Variants in CSMD1 observed in about 807,000 individuals in gnomAD.
CSMD1 encodes CUB and Sushi multiple domains 1.
In CSMD1, 213 loss-of-function variants were observed where a neutral mutation model predicts 417.5. The observed-to-expected ratio is 0.51, with a 90% confidence interval of 0.46 to 0.57. CSMD1 has a LOEUF of 0.57. CSMD1 is among the 20% of genes least tolerant of loss of function. The probability of loss-of-function intolerance (pLI) is 0.00; values close to 1 mark genes in which losing one functional copy is unlikely to be tolerated. For synonymous variants in CSMD1, 2,862 were observed against 1,736.8 expected, an observed-to-expected ratio of 1.65 and a Z score of -16.11; for missense variants, 6,923 against 4,529.7, an observed-to-expected ratio of 1.53 and a Z score of -15.17.
At chr8:3,984,883 G>A (rs541941840) in intron 5 of CSMD1, among the ~76,000 whole-genome samples, 1 of 151,710 alleles carries the variant, frequency 6.6e-6, no homozygotes, top group South Asian at 2.1e-4. Context: ...TTGAATCTAT[G>A]TCCATAAAAC....
At chr8:3,256,047 G>T (rs920983785) in intron 26 of CSMD1, among the ~76,000 whole-genome samples, 1 of 152,166 alleles carries the variant, frequency 6.6e-6, no homozygotes, top group Admixed American at 6.6e-5. Context: ...CAATGACTGA[G>T]CCGGGTGAGG....
chr8:4,165,265 A>C (rs1026716663), intron 3 of CSMD1, among the ~76,000 whole-genome samples: 2 of 152,224 alleles, frequency 1.3e-5, no homozygotes, highest in African/African-American at 4.8e-5. Flanking sequence ...TGTTGCAGCG[A>C]AAGTTACAGC....
rs149232937 is a variant in CSMD1, at chr8:3,306,298, T to A, written c.3950+1397A>T. Among the ~76,000 whole-genome samples, 31 of 152,288 alleles carry A rather than the reference T, an allele frequency of 2.0e-4. 1 individual carries two copies. In the East Asian group the frequency reaches 5.6e-3, roughly 28 times the overall value. On this transcript the variant is annotated intron_variant, in intron 25 of 69. Coordinates refer to ENST00000635120, the MANE Select transcript of CSMD1 (RefSeq NM_033225.6). The stretch of plus-strand genomic sequence containing the variant: ...TTCCACATCTTCTGCCTCAGTATCC[T>A]GAGTAGCTGGGATTACAGGTGTGTG...
At chr8:3,920,038 G>A (rs2954619) in intron 5 of CSMD1, among the ~76,000 whole-genome samples, 1 of 150,832 alleles carries the variant, frequency 6.6e-6, no homozygotes, top group Non-Finnish European at 1.5e-5. Flanking sequence ...TTACTTTTTT[G>A]TTTTTCTTCC....
chr8:3,943,800 T>C (rs1415586533), intron 5 of CSMD1, among the ~76,000 whole-genome samples: 3 of 152,012 alleles, frequency 2.0e-5, no homozygotes, highest in East Asian at 3.9e-4. Context: ...TGTAAAATAA[T>C]TGGCCCTTAC....
chr8:3,785,475 T>A (rs1431831308), intron 5 of CSMD1, among the ~76,000 whole-genome samples: 1 of 152,196 alleles, frequency 6.6e-6, no homozygotes, highest in African/African-American at 2.4e-5. Context: ...CTCCTAAGGC[T>A]TGTACTCTAG....
intron 7 of CSMD1, among the ~76,000 whole-genome samples, chr8:3,690,385 T>C (rs368094050): frequency 2.6e-5 from 4 of 152,268 alleles, no homozygotes; most frequent in African/African-American, 2.4e-5. Context: ...ATTACCTGAA[T>C]CTAAAATTTG....
chr8:3,940,283 C>G lies in CSMD1; in HGVS notation c.818+57620G>C, dbSNP rs377293456. Among the ~76,000 whole-genome samples, 7 of 152,032 alleles carry G rather than the reference C, an allele frequency of 4.6e-5. No individual in the cohort carries two copies. The East Asian group carries it at 5.8e-4, about 13-fold the overall frequency. On this transcript the variant is annotated intron_variant, in intron 5 of 69. Coordinates refer to ENST00000635120, the MANE Select transcript of CSMD1 (RefSeq NM_033225.6). ...CTCTGAAATATCTATTAATGATAGACATTTTAGGGTGGTGAATTTATATAT... is the reference window on the plus strand; with the variant it reads ...CTCTGAAATATCTATTAATGATAGAGATTTTAGGGTGGTGAATTTATATAT...
intron 3 of CSMD1, among the ~76,000 whole-genome samples, chr8:4,276,314 G>A (rs1030207205): frequency 6.6e-6 from 1 of 152,182 alleles, no homozygotes; most frequent in Non-Finnish European, 1.5e-5. Context: ...ATCAGTTAAT[G>A]TCCTTTGCAG....
At chr8:4,126,498 C>T (rs1802773820) in intron 3 of CSMD1, among the ~76,000 whole-genome samples, 1 of 152,182 alleles carries the variant, frequency 6.6e-6, no homozygotes, top group African/African-American at 2.4e-5. Context: ...CATGGGCACA[C>T]TGGAAGCAGG....
intron 7 of CSMD1, among the ~76,000 whole-genome samples, chr8:3,703,935 G>C (rs1474765247): frequency 2.6e-5 from 4 of 152,026 alleles, no homozygotes; most frequent in African/African-American, 7.2e-5. Context: ...GTCGGACATG[G>C]TGGCACACAC....
At chr8:4,311,342 C>T (rs1426149668) in intron 3 of CSMD1, among the ~76,000 whole-genome samples, 1 of 152,168 alleles carries the variant, frequency 6.6e-6, no homozygotes, top group Non-Finnish European at 1.5e-5. Context: ...CGATCAAGTC[C>T]TTTGCAGCAA....
At chr8:3,224,232 G>T (rs139394559) in intron 27 of CSMD1, among the ~76,000 whole-genome samples, 1 of 151,978 alleles carries the variant, frequency 6.6e-6, no homozygotes, top group African/African-American at 2.4e-5. Context: ...AAAAACACTT[G>T]AATAAAAAAA....
At chr8:4,040,325 G>C (rs563426654) in intron 3 of CSMD1, among the ~76,000 whole-genome samples, 2 of 152,242 alleles carry the variant, frequency 1.3e-5, no homozygotes, top group African/African-American at 2.4e-5. Flanking sequence ...TATATATTGA[G>C]TATGTATCAG....
At chr8:4,490,927 G>T (rs1404389590) in intron 2 of CSMD1, among the ~76,000 whole-genome samples, 1 of 152,188 alleles carries the variant, frequency 6.6e-6, no homozygotes, top group Non-Finnish European at 1.5e-5. Context: ...CACAGGAGTG[G>T]ATAAGGGAGA....
At chr8:4,644,565 C>G (rs557299136) in intron 1 of CSMD1, among the ~76,000 whole-genome samples, 1 of 152,178 alleles carries the variant, frequency 6.6e-6, no homozygotes, top group Non-Finnish European at 1.5e-5. Flanking sequence ...CGCCACCACA[C>G]CTGACTAATA....
chr8:3,134,181 GAAAA>G, intron 41 of CSMD1, among the ~76,000 whole-genome samples: 1 of 151,448 alleles, frequency 6.6e-6, no homozygotes, highest in African/African-American at 2.4e-5. Context: ...AAAAAAACAA[GAAAA>G]AAAAGAGAAA....
At chr8:3,322,426 A>G (rs987836330) in intron 23 of CSMD1, among the ~76,000 whole-genome samples, 5 of 152,250 alleles carry the variant, frequency 3.3e-5, no homozygotes, top group Admixed American at 3.3e-4. Context: ...GAGCACAGAT[A>G]AAGAATTTCT....
chr8:3,586,083 G>A (rs1297344652), intron 9 of CSMD1, 53 bp downstream of exon 9: 2 of 1,565,508 alleles, frequency 1.3e-6, no homozygotes, highest in Middle Eastern at 1.7e-4. Context: ...TCATAAAAAT[G>A]CCAACCTTAA....
Sources: allele counts gnomAD v4.1 joint callset (sites outside exome capture counted in the v4.1 genomes callset), GRCh38; gene constraint gnomAD v4.1.1; transcripts MANE v1.5; gene names NCBI Gene and HGNC (gene_info 2026-07-23, HGNC 2026-07-21).